Variants in LRRC7 observed in about 807,000 individuals in gnomAD.
The protein encoded by LRRC7 is leucine rich repeat containing 7, also known as leucine-rich repeat-containing protein 7.
Under a neutral mutation model 175.7 loss-of-function variants are expected in LRRC7, and 23 were observed. The ratio of observed to expected loss-of-function variants is 0.13; its 90% CI spans 0.09 to 0.19. The LOEUF (loss-of-function observed/expected upper bound fraction) is 0.19, where lower values mean the gene tolerates loss of function less well. Ranked by LOEUF, LRRC7 falls within the 10% of genes least tolerant of loss-of-function variation. LRRC7 has a pLI of 1.00. For synonymous variants in LRRC7, 685 were observed against 680.9 expected (o/e 1.01, Z -0.09); for missense variants, 1,354 against 1,904.7 (o/e 0.71, Z 5.38).
chr1:69,909,170 C>A (rs1485767706), intron 7 of LRRC7, among the ~76,000 whole-genome samples: 1 of 151,988 alleles, frequency 6.6e-6, no homozygotes, highest in Non-Finnish European at 1.5e-5. Flanking sequence ...TGTCTCTGCA[C>A]GTGAGATGGG....
chr1:70,100,963 A>C lies in LRRC7; in HGVS notation c.4546-6789A>C, dbSNP rs1290322050. On this transcript the variant is annotated intron_variant, in intron 25 of 26. Coordinates refer to ENST00000651989, the MANE Select transcript of LRRC7 (RefSeq NM_001370785.2). ...TTGTCATCACACTTTTGATTCCTGGAGAGGAGCACTATTGATAATACCTTT... is the reference window on the plus strand; with the variant it reads ...TTGTCATCACACTTTTGATTCCTGGCGAGGAGCACTATTGATAATACCTTT... 2.0e-5 allele frequency among the ~76,000 whole-genome samples: 3 copies of C among 152,160 alleles called. No homozygotes were observed. The East Asian group carries it at 5.8e-4, about 29-fold the overall frequency.
chr1:69,727,550 G>A (rs1159268164), intron 2 of LRRC7, among the ~76,000 whole-genome samples: 1 of 152,180 alleles, frequency 6.6e-6, no homozygotes. Context: ...ACAAGTCTAA[G>A]TGGATTCCTA....
chr1:69,973,066 G>T (rs1313757297), intron 8 of LRRC7, among the ~76,000 whole-genome samples: 1 of 141,230 alleles, frequency 7.1e-6, no homozygotes, highest in Non-Finnish European at 1.5e-5. Context: ...TATATATAAA[G>T]TACCATATAT....
intron 11 of LRRC7, 30 bp from the exon 12 acceptor site, chr1:70,011,767 A>G (rs1292517176): frequency 6.8e-7 from 1 of 1,478,996 alleles, no homozygotes; most frequent in African/African-American, 1.4e-5. Context: ...TAACTTTTAA[A>G]ATGTCTAACT....
At chr1:69,773,360 G>GA (rs1672453229) in intron 3 of LRRC7, among the ~76,000 whole-genome samples, 1 of 152,162 alleles carries the variant, frequency 6.6e-6, no homozygotes, top group Non-Finnish European at 1.5e-5. Context: ...TGATGGTTGG[G>GA]AGGACTTGAG....
intron 1 of LRRC7, among the ~76,000 whole-genome samples, chr1:69,600,642 C>A (rs1315699539): frequency 1.4e-4 from 22 of 152,026 alleles, no homozygotes; most frequent in Admixed American, 1.4e-3. Flanking sequence ...CTATTCACTG[C>A]TCTTCATTTG....
At chr1:69,742,817 G>T (rs1056410047) in intron 2 of LRRC7, among the ~76,000 whole-genome samples, 3 of 151,862 alleles carry the variant, frequency 2.0e-5, no homozygotes, top group African/African-American at 7.3e-5. Flanking sequence ...GAGCATAATT[G>T]TAATGTATAA....
chr1:69,958,405 C>G (rs1258841008), intron 8 of LRRC7, among the ~76,000 whole-genome samples: 1 of 151,880 alleles, frequency 6.6e-6, no homozygotes, highest in African/African-American at 2.4e-5. Context: ...GATAAGGAAG[C>G]AAAGGCAAAG....
In LRRC7 at chr1:70,047,637, A is replaced by G. The variant is rs922710104; in HGVS notation, c.4110+3543A>G. 3.9e-5 allele frequency among the ~76,000 whole-genome samples: 6 copies of G among 152,070 alleles called. No individual in the cohort carries two copies. The South Asian group carries it at 1.0e-3, about 26-fold the overall frequency. Reference sequence around the variant, plus strand: ...AAGGGAGCACTCTTCAAGATTTTGCAATGTATTTTAAATATTTTTCATTTT... The same window carrying G: ...AAGGGAGCACTCTTCAAGATTTTGCGATGTATTTTAAATATTTTTCATTTT... On this transcript the variant is annotated intron_variant, in intron 22 of 26. Coordinates refer to ENST00000651989, the MANE Select transcript of LRRC7 (RefSeq NM_001370785.2).
intron 7 of LRRC7, among the ~76,000 whole-genome samples, chr1:69,880,270 G>A (rs1686465486): frequency 6.6e-6 from 1 of 152,208 alleles, no homozygotes; most frequent in African/African-American, 2.4e-5. Context: ...AAAAGTCAAA[G>A]GAGGAGAATT....
Position 69,986,386 on chromosome 1 carries a change from G to A in LRRC7, c.931G>A (p.Gly311Arg). ...NMLQQLPDSIGLLKKLTTLKV... is the reference protein window; with the variant it reads ...NMLQQLPDSIRLLKKLTTLKV... ...GTTGCAACAATTGCCTGATTCTATA[G>A]GTGAGAATATAATATTTTGTCACAA... The change falls in exon 10 of 27, where the codon GGA (glycine) becomes AGA (arginine). Residue 311 changes from glycine to arginine, a missense_variant and splice_region_variant. By Grantham distance (125) the Gly-to-Arg change is moderately radical (BLOSUM62 -2). This residue lies in a region of LRRC7 where 201 missense variants were observed against 481.4 expected (regional missense o/e 0.42). Transcript: ENST00000651989. 1 of 1,605,380 alleles carries A rather than the reference G, an allele frequency of 6.2e-7. No homozygotes were observed. Among genetic ancestry groups the A allele is most frequent in the Non-Finnish European group, 8.5e-7 (1 of 1,177,296 alleles).
At chr1:69,982,759 G>T (rs967613764) in intron 9 of LRRC7, among the ~76,000 whole-genome samples, 3 of 152,022 alleles carry the variant, frequency 2.0e-5, no homozygotes, top group African/African-American at 7.3e-5. Context: ...TCTTTTACTT[G>T]TGGCTTCTAC....
At chr1:69,832,754 T>C (rs540043308) in intron 5 of LRRC7, among the ~76,000 whole-genome samples, 2 of 152,112 alleles carry the variant, frequency 1.3e-5, no homozygotes, top group Non-Finnish European at 2.9e-5. Context: ...AAATGTATAC[T>C]GTATGTTCAA....
chr1:69,634,815 G>T (rs1490480995), intron 1 of LRRC7, among the ~76,000 whole-genome samples: 1 of 152,078 alleles, frequency 6.6e-6, no homozygotes, highest in Non-Finnish European at 1.5e-5. Flanking sequence ...CAGAAAGCCA[G>T]TGATCCTAAT....
chr1:69,943,989 A>C (rs542783884), intron 8 of LRRC7, among the ~76,000 whole-genome samples: 46 of 138,260 alleles, frequency 3.3e-4, no homozygotes, highest in Middle Eastern at 7.4e-3. Flanking sequence ...CACACACACA[A>C]CATGAGATTT....
chr1:69,688,143 C>T (rs1557601823), intron 2 of LRRC7, among the ~76,000 whole-genome samples: 1 of 152,150 alleles, frequency 6.6e-6, no homozygotes, highest in South Asian at 2.1e-4. Flanking sequence ...TAAACATGTG[C>T]CAATGAATCT....
chr1:70,032,115 G>C (rs1372450651), intron 18 of LRRC7, among the ~76,000 whole-genome samples: 2 of 152,140 alleles, frequency 1.3e-5, no homozygotes, highest in Non-Finnish European at 2.9e-5. Flanking sequence ...TCATCAAAAA[G>C]AATGTGCGAT....
intron 7 of LRRC7, among the ~76,000 whole-genome samples, chr1:69,927,820 AC>A (rs1407211394): frequency 1.3e-5 from 2 of 152,092 alleles, no homozygotes; most frequent in African/African-American, 2.4e-5. Flanking sequence ...TCAAAGTCAT[AC>A]GCCGTCCAGC....
At chr1:70,034,600 C>G (rs1659112470) in intron 18 of LRRC7, among the ~76,000 whole-genome samples, 4 of 152,088 alleles carry the variant, frequency 2.6e-5, no homozygotes, top group Admixed American at 6.6e-5. Context: ...TCTTTGTGTG[C>G]TCACAGCTGA....
Sources: allele counts gnomAD v4.1 joint callset (sites outside exome capture counted in the v4.1 genomes callset), GRCh38; gene constraint gnomAD v4.1.1; regional missense constraint gnomAD v4.1.1; transcripts MANE v1.5; gene names NCBI Gene and HGNC (gene_info 2026-07-23, HGNC 2026-07-21).